Variants in NAA35 observed in about 807,000 individuals in gnomAD.
The protein encoded by NAA35 is N-alpha-acetyltransferase 35, NatC auxiliary subunit, also known as MAK10 homolog, amino-acid N-acetyltransferase subunit.
A neutral mutation model predicts 101.7 loss-of-function variants in NAA35; 18 were observed. The observed-to-expected ratio is 0.18, with a 90% confidence interval of 0.12 to 0.26. NAA35 has a LOEUF of 0.26. Ranked by LOEUF, NAA35 falls within the 10% of genes least tolerant of loss-of-function variation. The pLI is 1.00. For missense variants in NAA35, 601 were observed against 886.8 expected (o/e 0.68, Z 4.09); for synonymous variants, 267 against 273.1 (o/e 0.98, Z 0.22).
At chr9:86,007,837 G>A (rs560453520) in intron 14 of NAA35, among the ~76,000 whole-genome samples, 7 of 151,950 alleles carry the variant, frequency 4.6e-5, no homozygotes, top group African/African-American at 1.7e-4. Flanking sequence ...GGGAAGGGAA[G>A]AAAGGAGTCA....
intron 11 of NAA35, among the ~76,000 whole-genome samples, chr9:85,980,506 C>T (rs1830394391): frequency 6.6e-6 from 1 of 152,194 alleles, no homozygotes; most frequent in Admixed American, 6.5e-5. Context: ...AGAAGGAAGA[C>T]CAAATATATA....
intron 2 of NAA35, 72 bp downstream of exon 2, chr9:85,942,355 A>G: frequency 6.5e-7 from 1 of 1,548,780 alleles, no homozygotes; most frequent in South Asian, 1.2e-5. Context: ...TTCTAAACTT[A>G]CCTCATTAGA....
chr9:86,018,661 T>C (rs1403559943), intron 20 of NAA35, 38 bp from the exon 21 acceptor site: 1 of 1,595,162 alleles, frequency 6.3e-7, no homozygotes. Context: ...GTTGTTCATA[T>C]TAAACGTGTT....
chr9:85,996,590 C>A lies in NAA35; in HGVS notation c.1056+13C>A. The A allele has an allele frequency of 6.6e-7, 1 of 1,514,694 alleles. No homozygotes were observed. Among genetic ancestry groups the A allele is most frequent in the Non-Finnish European group, 8.8e-7 (1 of 1,135,116 alleles). 93.8% of individuals were successfully genotyped at this position (1,514,694 alleles called of 1,614,324 possible). A position where few individuals can be genotyped will look rare whatever the true frequency, so the allele number is the denominator to read the frequency against. On this transcript the variant is annotated intron_variant, in intron 12 of 22. Transcript: ENST00000361671. The stretch of plus-strand genomic sequence containing the variant: ...ACATTGTATCCTGGTAAGTACAAAT[C>A]TCTGTTCCAGAATGTAACTTCCATT...
chr9:85,966,547 T>A (rs776678649), intron 6 of NAA35: 42 of 962,706 alleles, frequency 4.4e-5, no homozygotes, highest in Non-Finnish European at 5.8e-5. Flanking sequence ...GTAGTTTGAT[T>A]TTTTCTTTCT....
At position 85,980,199 on chromosome 9, in the gene NAA35, C is replaced by T. The variant is rs151156421; in HGVS notation, c.877+1818C>T. Among the ~76,000 whole-genome samples, 2 of 152,274 alleles carry T rather than the reference C, an allele frequency of 1.3e-5. 1 individual carries two copies. Among genetic ancestry groups the T allele is most frequent in the African/African-American group, 4.8e-5 (2 of 41,546 alleles). ...CATGCCTTCCCTGGGTGTACTATCT[C>T]CTAGGAACCTCCACATGTTCAGATA... On this transcript the variant is annotated intron_variant, in intron 11 of 22. Coordinates refer to ENST00000361671, the MANE Select transcript of NAA35 (RefSeq NM_024635.4).
intron 11 of NAA35, among the ~76,000 whole-genome samples, chr9:85,985,297 G>C (rs1830600988): frequency 1.3e-5 from 2 of 152,110 alleles, no homozygotes; most frequent in South Asian, 4.1e-4. Context: ...CAAACAAAAA[G>C]TTATACACTA....
chr9:85,987,687 T>G (rs949370772), intron 11 of NAA35, among the ~76,000 whole-genome samples: 2 of 152,170 alleles, frequency 1.3e-5, no homozygotes, highest in Admixed American at 6.5e-5. Flanking sequence ...CCAAAATCTG[T>G]AAGGAATATG....
chr9:86,011,628 G>C (rs1298432961), intron 15 of NAA35, among the ~76,000 whole-genome samples: 1 of 151,222 alleles, frequency 6.6e-6, no homozygotes, highest in Non-Finnish European at 1.5e-5. Flanking sequence ...CAAAGTGCTG[G>C]GACTTACAGG....
At chr9:85,941,557 G>A in intron 1 of NAA35, 1 of 985,898 alleles carries the variant, frequency 1.0e-6, no homozygotes, top group Non-Finnish European at 1.2e-6. Flanking sequence ...ACCGGGGCTG[G>A]GCTGGGCTGA....
Position 85,941,984 on chromosome 9 carries a change from A to G in NAA35, c.-5-171A>G, listed in dbSNP as rs925047915. 3 of 1,228,276 alleles carry G rather than the reference A, an allele frequency of 2.4e-6. No homozygotes were observed. The African/African-American group carries it at 4.6e-5, about 19-fold the overall frequency. The allele number at this position is 1,228,276 out of a possible 1,614,324, so 76.1% of individuals were successfully genotyped here. A position where few individuals can be genotyped will look rare whatever the true frequency, so the allele number is the denominator to read the frequency against. ...CAGCAGGAGTGTTAATTGACGTGCGATTTGATTGCATTAAGGTTATTCTTT... is the reference window on the plus strand; with the variant it reads ...CAGCAGGAGTGTTAATTGACGTGCGGTTTGATTGCATTAAGGTTATTCTTT... On this transcript the variant is annotated intron_variant, in intron 1 of 22. Transcript: ENST00000361671.
chr9:86,017,890 G>T (rs1169666265), intron 19 of NAA35, among the ~76,000 whole-genome samples: 1 of 152,168 alleles, frequency 6.6e-6, no homozygotes, highest in African/African-American at 2.4e-5. Context: ...TGATGATCAG[G>T]CAAGGCTTCG....
chr9:86,021,826 T>C (rs531166082), intron 22 of NAA35, 75 bp from the exon 23 acceptor site: 1 of 1,221,774 alleles, frequency 8.2e-7, no homozygotes, highest in African/African-American at 1.5e-5. Flanking sequence ...AACTCTAAAA[T>C]AAAAATAGTC....
intron 5 of NAA35, 83 bp from the exon 6 acceptor site, chr9:85,961,930 T>C: frequency 1.8e-6 from 2 of 1,095,094 alleles, no homozygotes. Context: ...TCTATGGTGC[T>C]CTGGCCTTTG....
chr9:85,943,749 G>A (rs1207140788), intron 2 of NAA35, among the ~76,000 whole-genome samples: 3 of 152,076 alleles, frequency 2.0e-5, no homozygotes, highest in Non-Finnish European at 4.4e-5. Context: ...TCTATTAGGG[G>A]GCTGTCATTA....
intron 11 of NAA35, among the ~76,000 whole-genome samples, chr9:85,985,792 A>G (rs1830622704): frequency 6.6e-6 from 1 of 152,230 alleles, no homozygotes; most frequent in Non-Finnish European, 1.5e-5. Context: ...CACTAGAGAA[A>G]TGATTTCAGA....
intron 13 of NAA35, among the ~76,000 whole-genome samples, chr9:86,006,492 C>G (rs997739220): frequency 2.6e-5 from 4 of 152,142 alleles, no homozygotes; most frequent in African/African-American, 9.7e-5. Flanking sequence ...GCATGATACA[C>G]TTAACAATGC....
chr9:86,020,439 T>C (rs1036458054), intron 21 of NAA35, among the ~76,000 whole-genome samples: 1 of 152,178 alleles, frequency 6.6e-6, no homozygotes, highest in Non-Finnish European at 1.5e-5. Context: ...TCAGAGTTAA[T>C]TGAAATGAAG....
chr9:86,010,569 A>ATTT (rs377654981), intron 15 of NAA35, among the ~76,000 whole-genome samples: 3 of 118,704 alleles, frequency 2.5e-5, no homozygotes, highest in Admixed American at 8.9e-5. Flanking sequence ...TAACCTTAGA[A>ATTT]TTTTTTTTTT....
Sources: gnomAD v4.1 joint callset for allele counts (sites outside exome capture counted in the v4.1 genomes callset) on GRCh38, gnomAD v4.1.1 for gene constraint, MANE v1.5 for transcripts, NCBI Gene and HGNC (gene_info 2026-07-23, HGNC 2026-07-21) for gene names.